The following ATP11A variants were observed in gnomAD, a reference collection of about 807,000 sequenced individuals.
The protein encoded by ATP11A is phospholipid-transporting ATPase IH.
ATP11A carries 81 observed loss-of-function variants against 154.4 expected under a neutral mutation model. The ratio of observed to expected loss-of-function variants is 0.52; its 90% CI spans 0.44 to 0.63. ATP11A has a LOEUF of 0.63. Ranked by LOEUF, ATP11A falls within the 30% of genes least tolerant of loss-of-function variation. The pLI, the probability that ATP11A is intolerant of heterozygous loss-of-function variation, is 0.00. For missense variants in ATP11A, 1,316 were observed against 1,474.3 expected, an observed-to-expected ratio of 0.89 and a Z score of 1.76; for synonymous variants, 623 against 585.9, an observed-to-expected ratio of 1.06 and a Z score of -0.91.
intron 1 of ATP11A, among the ~76,000 whole-genome samples, chr13:112,764,246 C>T (rs1226684634): frequency 6.6e-6 from 1 of 152,156 alleles, no homozygotes; most frequent in Non-Finnish European, 1.5e-5. Context: ...CTGGACACTT[C>T]GCCTCTGACA....
chr13:112,765,948 G>A (rs1486783751), intron 1 of ATP11A, among the ~76,000 whole-genome samples: 1 of 152,124 alleles, frequency 6.6e-6, no homozygotes, highest in Non-Finnish European at 1.5e-5. Context: ...TTGCAGGCCG[G>A]TGTCCGGCGT....
chr13:112,832,778 T>G, intron 13 of ATP11A, 82 bp from the exon 14 acceptor site: 49 of 1,463,998 alleles, frequency 3.3e-5, no homozygotes, highest in Middle Eastern at 1.8e-4. Context: ...ACCCCGCTTC[T>G]TGTTATCTCT....
intron 16 of ATP11A, among the ~76,000 whole-genome samples, chr13:112,837,420 C>T (rs543521768): frequency 1.3e-5 from 2 of 152,364 alleles, no homozygotes; most frequent in East Asian, 3.9e-4. Context: ...GCTGTCTGTC[C>T]GTCTGCAGCC....
At chr13:112,852,719 G>A (rs562092076) in intron 18 of ATP11A, among the ~76,000 whole-genome samples, 103 of 151,432 alleles carry the variant, frequency 6.8e-4, no homozygotes, top group African/African-American at 2.3e-3. Flanking sequence ...GAGCCCCTGG[G>A]GCGGGGGGCA....
chr13:112,827,153 G>C (rs576898332), intron 12 of ATP11A, among the ~76,000 whole-genome samples: 33 of 152,324 alleles, frequency 2.2e-4, no homozygotes, highest in African/African-American at 7.5e-4. Flanking sequence ...GTGCAGGTGT[G>C]AATCAAGGCT....
chr13:112,701,930 C>G (rs895180824), intron 1 of ATP11A, among the ~76,000 whole-genome samples: 3 of 152,164 alleles, frequency 2.0e-5, no homozygotes, highest in African/African-American at 7.2e-5. Context: ...TCTCGGCATC[C>G]TGTGGATGGG....
At chr13:112,806,428 T>C in intron 4 of ATP11A, 135 bp downstream of exon 4, 2 of 679,062 alleles carry the variant, frequency 2.9e-6, no homozygotes. Context: ...TTCATTTTTA[T>C]AACTGCGTTA....
chr13:112,834,585 G>A lies in ATP11A; in HGVS notation c.1560-4G>A, dbSNP rs547210938. On this transcript the variant is annotated splice_region_variant and splice_polypyrimidine_tract_variant and intron_variant, in intron 14 of 29. Coordinates refer to ENST00000375645, the MANE Select transcript of ATP11A (RefSeq NM_015205.3). Reference sequence around the variant, plus strand: ...TCACCCCGAGGTTTCCCTTCTCATTGCAGACTTGGCTTTACCTACCTAAGG... The same window carrying A: ...TCACCCCGAGGTTTCCCTTCTCATTACAGACTTGGCTTTACCTACCTAAGG... 3 of 1,609,446 alleles carry A rather than the reference G, an allele frequency of 1.9e-6. No individual in the cohort carries two copies. The Admixed American group carries it at 5.0e-5, about 27-fold the overall frequency.
At chr13:112,878,843 C>A (rs770051477) in intron 29 of ATP11A, among the ~76,000 whole-genome samples, 36 of 152,204 alleles carry the variant, frequency 2.4e-4, no homozygotes, top group Non-Finnish European at 4.7e-4. Context: ...GGGAGCCAGG[C>A]TGAGCCACAC....
At chr13:112,855,163 A>G (rs1007791257) in intron 19 of ATP11A, among the ~76,000 whole-genome samples, 2 of 152,174 alleles carry the variant, frequency 1.3e-5, no homozygotes, top group East Asian at 1.9e-4. Context: ...CTGATCTGCA[A>G]TCTGCAGAAC....
In ATP11A at chr13:112,785,433, C is replaced by T. The variant is rs907339624; in HGVS notation, c.162+176C>T. Among the ~76,000 whole-genome samples, 12 of 152,052 alleles carry T rather than the reference C, an allele frequency of 7.9e-5. No individual in the cohort carries two copies. The highest frequency in any genetic ancestry group is 2.9e-4 in the African/African-American group (12 of 41,400). ...TCACCGAGGGCGCTACTCTCTCCCT[C>T]TCGGTGACTGCCCACAGGAGGCTTT... On this transcript the variant is annotated intron_variant, in intron 2 of 29. Coordinates refer to ENST00000375645, the MANE Select transcript of ATP11A (RefSeq NM_015205.3). This position sits in a 1 kb window ranked among gnomAD's most constrained non-coding sequence, Gnocchi z 4.8.
intron 1 of ATP11A, among the ~76,000 whole-genome samples, chr13:112,758,925 A>G (rs953194216): frequency 6.6e-6 from 1 of 152,250 alleles, no homozygotes; most frequent in African/African-American, 2.4e-5. Flanking sequence ...TAGAACGTAC[A>G]GTTTTGTAGC....
intron 1 of ATP11A, among the ~76,000 whole-genome samples, chr13:112,756,151 G>C (rs1348528168): frequency 6.6e-6 from 1 of 152,164 alleles, no homozygotes; most frequent in East Asian, 1.9e-4. Flanking sequence ...TGATTATAAT[G>C]ATATCCTTAC....
At chr13:112,840,779 G>A (rs1002322423) in intron 16 of ATP11A, among the ~76,000 whole-genome samples, 29 of 151,938 alleles carry the variant, frequency 1.9e-4, no homozygotes, top group African/African-American at 7.2e-5. Context: ...AAGGCAAGGC[G>A]GACCCCTGTT....
At position 112,838,174 on chromosome 13, in the gene ATP11A, G is replaced by A. The variant is rs555558142; in HGVS notation, c.1705+1923G>A. ...AGGGTCTGAGAACAGGTTCAGATGCGCGAGACTTCTGTGTGTCAGAACCCT... is the reference window on the plus strand; with the variant it reads ...AGGGTCTGAGAACAGGTTCAGATGCACGAGACTTCTGTGTGTCAGAACCCT... On this transcript the variant is annotated intron_variant, in intron 16 of 29. Coordinates refer to ENST00000375645, the MANE Select transcript of ATP11A (RefSeq NM_015205.3). The surrounding 1 kb of genome is among the most constrained non-coding windows in gnomAD (Gnocchi z 7.3). Among the ~76,000 whole-genome samples, 30 of 152,270 alleles carry A rather than the reference G, an allele frequency of 2.0e-4. No individual in the cohort carries two copies. The highest frequency in any genetic ancestry group is 3.3e-4 in the Admixed American group (5 of 15,288).
At chr13:112,816,012 C>T (rs767840224) in intron 5 of ATP11A, 71 bp from the exon 6 acceptor site, 47 of 1,592,104 alleles carry the variant, frequency 3.0e-5, no homozygotes, top group Non-Finnish European at 3.7e-5. Context: ...TTGAGGGAAG[C>T]GGTCCCACAG....
rs1228066811 is a variant in ATP11A at position 112,885,468 on chromosome 13, A to C, written c.*3602A>C. On this transcript the variant is annotated 3_prime_UTR_variant, in exon 30 of 30. Coordinates refer to ENST00000375645, the MANE Select transcript of ATP11A (RefSeq NM_015205.3). ...CACGTGCACACATCGTACACATGTG[A>C]GCTCCCACACGTACACACAGATGCA... The C allele has an allele frequency of 2.6e-5, 4 of 152,120 alleles. No individual in the cohort carries two copies. 9.4% of individuals were successfully genotyped at this position (152,120 alleles called of 1,614,324 possible). A position where few individuals can be genotyped will look rare whatever the true frequency, so the allele number is the denominator to read the frequency against.
At chr13:112,767,556 T>TGGGAGCCCCC (rs2077125135) in intron 1 of ATP11A, among the ~76,000 whole-genome samples, 1 of 151,556 alleles carries the variant, frequency 6.6e-6, no homozygotes, top group East Asian at 1.9e-4. Context: ...GTGGGGGTGC[T>TGGGAGCCCCC]GTTGGGAGCC....
At chr13:112,865,115 C>T (rs369447820) in intron 25 of ATP11A, among the ~76,000 whole-genome samples, 2,343 of 60,290 alleles carry the variant, frequency 0.039, 61 homozygotes, top group Non-Finnish European at 0.041. Context: ...ATGCAGCTTC[C>T]CAGCGGGGTC....
Sources: gnomAD v4.1 joint callset for allele counts (sites outside exome capture counted in the v4.1 genomes callset) on GRCh38, gnomAD v4.1.1 for gene constraint, Gnocchi (gnomAD v3.1) non-coding constraint, MANE v1.5 for transcripts, NCBI Gene and HGNC (gene_info 2026-07-23, HGNC 2026-07-21) for gene names.